Variants in UBR2 observed in about 807,000 individuals in gnomAD.
UBR2 encodes ubiquitin protein ligase E3 component n-recognin 2.
Under a neutral mutation model 247.9 loss-of-function variants are expected in UBR2, and 92 were observed. The ratio of observed to expected loss-of-function variants is 0.37; its 90% CI spans 0.31 to 0.44. UBR2 has a LOEUF of 0.44. Ranked by LOEUF, UBR2 falls within the 20% of genes least tolerant of loss-of-function variation. UBR2 has a pLI of 1.00. For missense variants in UBR2, 1,613 were observed against 2,112.6 expected, an observed-to-expected ratio of 0.76 and a Z score of 4.64; for synonymous variants, 672 against 693.5, an observed-to-expected ratio of 0.97 and a Z score of 0.49.
intron 16 of UBR2, among the ~76,000 whole-genome samples, 170 bp downstream of exon 16, chr6:42,640,440 A>AACTGGCTC (rs1202647880): frequency 6.8e-6 from 1 of 147,456 alleles, no homozygotes; most frequent in Non-Finnish European, 1.5e-5. Context: ...GTGTGTATAG[A>AACTGGCTC]TACATATATA....
chr6:42,587,990 G>T (rs1199716772), intron 2 of UBR2, among the ~76,000 whole-genome samples: 1 of 152,008 alleles, frequency 6.6e-6, no homozygotes, highest in Non-Finnish European at 1.5e-5. Context: ...TCTGAATATT[G>T]GCTGGGTATC....
chr6:42,578,958 A>AACAAACACACACACACACACAC (rs1415279279), intron 2 of UBR2, among the ~76,000 whole-genome samples: 42 of 116,382 alleles, frequency 3.6e-4, no homozygotes, highest in African/African-American at 1.5e-3. Flanking sequence ...CCATCTCAAA[A>AACAAACACACACACACACACAC]ACACACACAC....
intron 11 of UBR2, among the ~76,000 whole-genome samples, chr6:42,623,439 GT>G (rs1795130572): frequency 6.6e-6 from 1 of 151,942 alleles, no homozygotes; most frequent in South Asian, 2.1e-4. Flanking sequence ...GCCCAACTTG[GT>G]TTTTGTTTGT....
In UBR2 at chr6:42,691,037, G is replaced by A. The variant is rs755635525; in HGVS notation, c.5132G>A (p.Gly1711Glu). 6 of 1,613,832 alleles carry A rather than the reference G, an allele frequency of 3.7e-6. No homozygotes were observed. The highest frequency in any genetic ancestry group is 4.2e-6 in the Non-Finnish European group (5 of 1,179,994). ...CATGTGTCTTCTCTTTCTAGACGGG[G>A]AAATCCTTTACATTTATGCAAAGAG... ...YGETDQGLRRGNPLHLCKERF... is the reference protein window; with the variant it reads ...YGETDQGLRRENPLHLCKERF... Residue 1711 changes from glycine to glutamate, a missense_variant, in exon 47 of 47, where the codon GGA becomes GAA. Around this residue, in one of 3 missense-constraint regions of UBR2, gnomAD observed 80 missense variants for 108.6 expected, o/e 0.74. Coordinates refer to ENST00000372901, the MANE Select transcript of UBR2 (RefSeq NM_001363705.2).
intron 4 of UBR2, among the ~76,000 whole-genome samples, chr6:42,601,416 CG>C (rs1562297948): frequency 6.6e-6 from 1 of 152,104 alleles, no homozygotes. Context: ...TCGCTGGGCG[CG>C]GCTGCTCACA....
At chr6:42,688,750 T>C (rs1028957593) in intron 45 of UBR2, among the ~76,000 whole-genome samples, 15 of 152,204 alleles carry the variant, frequency 9.9e-5, no homozygotes, top group Admixed American at 1.3e-4. Flanking sequence ...ATACATATTA[T>C]CACAACTCTA....
At chr6:42,622,273 C>T (rs770472189) in intron 11 of UBR2, among the ~76,000 whole-genome samples, 5 of 151,936 alleles carry the variant, frequency 3.3e-5, no homozygotes, top group African/African-American at 9.7e-5. Flanking sequence ...CCCATCTCAG[C>T]GTCCCAAAGT....
intron 15 of UBR2, among the ~76,000 whole-genome samples, chr6:42,639,810 A>G (rs1212033366): frequency 6.6e-6 from 1 of 152,222 alleles, no homozygotes; most frequent in Admixed American, 6.5e-5. Flanking sequence ...ATTAGTACAT[A>G]CAACTAAGAC....
chr6:42,663,082 C>A lies in UBR2; in HGVS notation c.3537-176C>A, dbSNP rs115449996. Among the ~76,000 whole-genome samples, 609 of 151,770 alleles carry A rather than the reference C, an allele frequency of 4.0e-3. 1 individual carries two copies. Among genetic ancestry groups the A allele is most frequent in the African/African-American group, 0.014 (566 of 41,384 alleles). On this transcript the variant is annotated intron_variant, in intron 31 of 46. Transcript: ENST00000372901. ...TTTTTTTTATTTTACTCTTTTAGAA[C>A]TTTTAATCCATTTGGATTTTTAAAA...
intron 11 of UBR2, chr6:42,619,960 G>A (rs1794870977): frequency 1.1e-6 from 1 of 899,190 alleles, no homozygotes; most frequent in African/African-American, 1.8e-5. Context: ...TTTTGATGCT[G>A]TAGTAAACTT....
At chr6:42,592,268 A>G (rs1012094921) in intron 3 of UBR2, 39 bp downstream of exon 3, 3 of 1,361,078 alleles carry the variant, frequency 2.2e-6, no homozygotes, top group Non-Finnish European at 2.0e-6. Flanking sequence ...GCAGTATTGC[A>G]TTTTATAATA....
chr6:42,614,424 A>ATACACACG (rs143366431), intron 8 of UBR2, among the ~76,000 whole-genome samples: 1 of 87,824 alleles, frequency 1.1e-5, no homozygotes, highest in Non-Finnish European at 2.3e-5. Context: ...ACGTACGTAC[A>ATACACACG]TATATATGTA....
intron 7 of UBR2, among the ~76,000 whole-genome samples, chr6:42,608,941 C>T (rs1448519798): frequency 1.3e-5 from 2 of 151,878 alleles, no homozygotes; most frequent in Non-Finnish European, 2.9e-5. Flanking sequence ...GAAATTCTTC[C>T]TTAATGTCTC....
chr6:42,645,188 C>T (rs1369418470), intron 20 of UBR2, among the ~76,000 whole-genome samples: 1 of 151,896 alleles, frequency 6.6e-6, no homozygotes, highest in Admixed American at 6.6e-5. Flanking sequence ...TTTCCTTGAC[C>T]ACATTTAATC....
rs891879370 is a variant in UBR2 at position 42,692,443 on chromosome 6, A to G, written c.*1270A>G. 1 of 152,182 alleles carries G rather than the reference A, an allele frequency of 6.6e-6. No individual in the cohort carries two copies. Among genetic ancestry groups the G allele is most frequent in the Non-Finnish European group, 1.5e-5 (1 of 68,024 alleles). The allele number at this position is 152,182 out of a possible 1,614,324, so 9.4% of individuals were successfully genotyped here. A position where few individuals can be genotyped will look rare whatever the true frequency, so the allele number is the denominator to read the frequency against. On this transcript the variant is annotated 3_prime_UTR_variant, in exon 47 of 47. Transcript: ENST00000372901. Reference sequence around the variant, plus strand: ...ACAAGAGCCACTTACAAAATAGCTTATAATTATTATGTACCACACAACTAC... The same window carrying G: ...ACAAGAGCCACTTACAAAATAGCTTGTAATTATTATGTACCACACAACTAC...
chr6:42,679,922 T>C, intron 42 of UBR2, 90 bp downstream of exon 42: 1 of 791,370 alleles, frequency 1.3e-6, no homozygotes, highest in Non-Finnish European at 2.0e-6. Flanking sequence ...TCTCAAGTAA[T>C]GACCCTGGTA....
chr6:42,662,173 T>G lies in UBR2; in HGVS notation c.3443-11T>G. ...CACTTTTGTTTTGTTTTGTTTTGTT[T>G]TGTAATGCAGAAAAATATGATCCAT... On this transcript the variant is annotated splice_polypyrimidine_tract_variant and intron_variant, in intron 30 of 46. Transcript: ENST00000372901. The G allele has an allele frequency of 6.4e-7, 1 of 1,561,506 alleles. No homozygotes were observed. The highest frequency in any genetic ancestry group is 1.2e-5 in the South Asian group (1 of 86,002).
chr6:42,634,587 T>C (rs2151952694), intron 13 of UBR2, among the ~76,000 whole-genome samples: 1 of 152,342 alleles, frequency 6.6e-6, no homozygotes, highest in South Asian at 2.1e-4. Flanking sequence ...CCCGAGTAGC[T>C]GGGATTACAG....
chr6:42,628,360 A>G (rs1795484043), intron 11 of UBR2, among the ~76,000 whole-genome samples: 1 of 152,118 alleles, frequency 6.6e-6, no homozygotes, highest in Admixed American at 6.6e-5. Context: ...GGAATGTTTT[A>G]CAGCAGTGGT....
Sources: gnomAD v4.1 joint callset for allele counts (sites outside exome capture counted in the v4.1 genomes callset) on GRCh38, gnomAD v4.1.1 for gene constraint, gnomAD v4.1.1 regional missense constraint, MANE v1.5 for transcripts, NCBI Gene and HGNC (gene_info 2026-07-23, HGNC 2026-07-21) for gene names.